TRERF1: variants seen among roughly 807,000 people sequenced by gnomAD.
TRERF1 encodes the protein transcriptional-regulating factor 1.
In TRERF1, 27 loss-of-function variants were observed where a neutral mutation model predicts 122.9. The observed-to-expected ratio is 0.22, with a 90% CI of 0.16 to 0.30. TRERF1 has a LOEUF of 0.30. TRERF1 is among the 10% of genes least tolerant of loss of function. The probability of loss-of-function intolerance (pLI) is 1.00; values close to 1 mark genes in which losing one functional copy is unlikely to be tolerated. For missense variants in TRERF1, 1,248 were observed against 1,560.3 expected (o/e 0.80, Z 3.37); for synonymous variants, 636 against 641.7 (o/e 0.99, Z 0.13).
At chr6:42,358,314 C>T (rs1195113581) in intron 3 of TRERF1, among the ~76,000 whole-genome samples, 1 of 152,208 alleles carries the variant, frequency 6.6e-6, no homozygotes, top group Non-Finnish European at 1.5e-5. Flanking sequence ...GTAAACGGCT[C>T]CTTCCTTATA....
Position 42,236,367 on chromosome 6 carries a change from G to GTCC in TRERF1, c.2901_2903dup (p.Glu967dup), listed in dbSNP as rs111816381. 9,700 of 1,566,096 alleles carry GTCC rather than the reference G, an allele frequency of 6.2e-3. 436 individuals carry two copies. In the African/African-American group the frequency reaches 0.11, roughly 18 times the overall value. ...TTGTGGATTTCCTATCTTCTTCCGG[G>GTCC]TCCTCCTCCTCCTCCTCCTCTAACT... On this transcript the variant is annotated inframe_insertion, in exon 16 of 18. Transcript: ENST00000372922.
intron 3 of TRERF1, among the ~76,000 whole-genome samples, chr6:42,358,579 A>G (rs1165799914): frequency 6.6e-6 from 1 of 152,242 alleles, no homozygotes; most frequent in African/African-American, 2.4e-5. Flanking sequence ...TGTCAGAAAA[A>G]TAAGAACAAT....
At chr6:42,352,733 T>G in intron 3 of TRERF1, among the ~76,000 whole-genome samples, 1 of 151,932 alleles carries the variant, frequency 6.6e-6, no homozygotes, top group East Asian at 1.9e-4. Context: ...ATATAATAAC[T>G]GGGGGGGAAA....
chr6:42,278,550 A>T (rs1781707452), intron 4 of TRERF1, among the ~76,000 whole-genome samples: 1 of 152,188 alleles, frequency 6.6e-6, no homozygotes, highest in African/African-American at 2.4e-5. Context: ...AAGGTGCAAC[A>T]GGCTCTGAGT....
At chr6:42,316,774 T>G (rs983515811) in intron 3 of TRERF1, among the ~76,000 whole-genome samples, 2 of 152,310 alleles carry the variant, frequency 1.3e-5, no homozygotes, top group Middle Eastern at 3.4e-3. Context: ...GGGAGGGGCC[T>G]GAATTCTGCT....
intron 3 of TRERF1, among the ~76,000 whole-genome samples, chr6:42,359,718 G>A (rs75160319): frequency 0.037 from 5,683 of 152,158 alleles, 282 homozygotes; most frequent in East Asian, 0.24. Flanking sequence ...GCGAGACTCC[G>A]TCTCAAAAAA....
intron 4 of TRERF1, among the ~76,000 whole-genome samples, chr6:42,270,773 T>C (rs914504615): frequency 5.0e-5 from 7 of 141,014 alleles, no homozygotes; most frequent in African/African-American, 1.7e-4. Flanking sequence ...CATCTCTTTT[T>C]TTTTTTTTTT....
At chr6:42,266,188 CT>C (rs34950753) in intron 5 of TRERF1, among the ~76,000 whole-genome samples, 3,545 of 128,052 alleles carry the variant, frequency 0.028, 125 homozygotes, top group African/African-American at 0.093. Context: ...TGATGGAATT[CT>C]TTTTTTTTTT....
intron 4 of TRERF1, among the ~76,000 whole-genome samples, chr6:42,277,940 AAG>A (rs1491092130): frequency 3.4e-5 from 5 of 149,168 alleles, no homozygotes; most frequent in Non-Finnish European, 6.0e-5. Context: ...GAAGAAGAAG[AAG>A]AAGAAGAAGA....
At position 42,254,717 on chromosome 6, in the gene TRERF1, C is replaced by G. The variant is rs116957780; in HGVS notation, c.2656+134G>C. 75 of 795,280 alleles carry G rather than the reference C, an allele frequency of 9.4e-5. No homozygotes were observed. In the East Asian group the frequency reaches 1.9e-3, roughly 20 times the overall value. The allele number at this position is 795,280 out of a possible 1,614,324, so 49.3% of individuals were successfully genotyped here. ...GCCAAAGCAACAGACATAGCTCTGCCCTAGGAGGCCTTGAGATCACAAGTG... is the reference window on the plus strand; with the variant it reads ...GCCAAAGCAACAGACATAGCTCTGCGCTAGGAGGCCTTGAGATCACAAGTG... On this transcript the variant is annotated intron_variant, in intron 13 of 17. Coordinates refer to ENST00000372922, the Ensembl canonical transcript of TRERF1.
chr6:42,385,707 C>G (rs1295099576), intron 2 of TRERF1, among the ~76,000 whole-genome samples: 1 of 152,198 alleles, frequency 6.6e-6, no homozygotes, highest in Non-Finnish European at 1.5e-5. Context: ...CACTTTTAAA[C>G]CTACCCCACC....
Position 42,228,518 on chromosome 6 carries a change from G to T in TRERF1, c.3430C>A (p.Leu1144Met). Residue 1144 changes from leucine to methionine, a missense_variant, in exon 18 of 18, where the codon CTG becomes ATG. Leu to Met is a conservative substitution (Grantham distance 15, BLOSUM62 2). Around this residue, in one of 5 missense-constraint regions of TRERF1, gnomAD observed 84 missense variants for 116.0 expected, o/e 0.72. Transcript: ENST00000372922. This position sits in a 1 kb window ranked among gnomAD's most constrained non-coding sequence, Gnocchi z 4.2. ...AGACTCAGCTGGTCCAGGGGCAGCAGCCCCGGCGCCCCCACGGGCCCCGTA... is the reference window on the plus strand; with the variant it reads ...AGACTCAGCTGGTCCAGGGGCAGCATCCCCGGCGCCCCCACGGGCCCCGTA... 1 of 1,614,170 alleles carries T rather than the reference G, an allele frequency of 6.2e-7. No homozygotes were observed. Among genetic ancestry groups the T allele is most frequent in the Non-Finnish European group, 8.5e-7 (1 of 1,180,032 alleles).
At chr6:42,439,139 CTG>C (rs1171467655) in intron 2 of TRERF1, among the ~76,000 whole-genome samples, 6 of 152,232 alleles carry the variant, frequency 3.9e-5, no homozygotes, top group African/African-American at 1.4e-4. Flanking sequence ...CCACTTGCCC[CTG>C]TGTTTCCAAC....
chr6:42,418,443 G>A (rs536872841), intron 2 of TRERF1, among the ~76,000 whole-genome samples: 123 of 151,316 alleles, frequency 8.1e-4, no homozygotes, highest in Admixed American at 2.1e-3. Flanking sequence ...CTAATTTTTT[G>A]TATTTTCAGT....
At chr6:42,272,014 A>G (rs143116471) in intron 4 of TRERF1, among the ~76,000 whole-genome samples, 2 of 152,340 alleles carry the variant, frequency 1.3e-5, no homozygotes, top group East Asian at 1.9e-4. Flanking sequence ...TTAAATTGCT[A>G]TGGTGTTTAG....
At chr6:42,438,769 G>A (rs896495665) in intron 2 of TRERF1, among the ~76,000 whole-genome samples, 1 of 152,142 alleles carries the variant, frequency 6.6e-6, no homozygotes, top group African/African-American at 2.4e-5. Context: ...CTCACAGAAG[G>A]AGCAGGTACG....
chr6:42,306,160 C>T (rs2150307327), intron 3 of TRERF1, among the ~76,000 whole-genome samples: 1 of 151,948 alleles, frequency 6.6e-6, no homozygotes, highest in South Asian at 2.1e-4. Flanking sequence ...CGCCACCATG[C>T]CCAGCTAATT....
intron 17 of TRERF1, among the ~76,000 whole-genome samples, chr6:42,229,295 GC>G (rs1209390850): frequency 6.6e-6 from 1 of 152,054 alleles, no homozygotes; most frequent in Admixed American, 6.6e-5. Context: ...ATACCACCAT[GC>G]CTGGCTAATT....
At chr6:42,384,342 T>C (rs879462750) in intron 2 of TRERF1, among the ~76,000 whole-genome samples, 5 of 152,224 alleles carry the variant, frequency 3.3e-5, no homozygotes, top group Non-Finnish European at 5.9e-5. Context: ...CTCTATGTCA[T>C]AATATGGAAT....
Sources: gnomAD v4.1 joint callset for allele counts (sites outside exome capture counted in the v4.1 genomes callset) on GRCh38, gnomAD v4.1.1 for gene constraint, gnomAD v4.1.1 regional missense constraint, Gnocchi (gnomAD v3.1) non-coding constraint, MANE v1.5 for transcripts, NCBI Gene and HGNC (gene_info 2026-07-23, HGNC 2026-07-21) for gene names.